The following ZC3H10 variants were observed in gnomAD, a reference collection of about 807,000 sequenced individuals.
ZC3H10 encodes the protein zinc finger CCCH-type containing 10, also known as zinc finger CCCH domain-containing protein 10.
Under a neutral mutation model 24.3 loss-of-function variants are expected in ZC3H10, and 12 were observed. That is an observed-to-expected ratio of 0.49 (90% CI 0.32 to 0.80). ZC3H10 has a LOEUF of 0.80. Among genes scored for constraint, ZC3H10 ranks in the 30% least tolerant of loss-of-function variants. The probability of loss-of-function intolerance (pLI) is 0.04; values close to 1 mark genes in which losing one functional copy is unlikely to be tolerated. For missense variants in ZC3H10, 360 were observed against 576.3 expected (o/e 0.62, Z 3.84); for synonymous variants, 226 against 217.0 (o/e 1.04, Z -0.36).
chr12:56,120,726 G>A lies in ZC3H10; in HGVS notation c.164G>A (p.Arg55His), dbSNP rs1869788324. The A allele has an allele frequency of 1.9e-6, 3 of 1,614,052 alleles. No individual in the cohort carries two copies. Among genetic ancestry groups the A allele is most frequent in the East Asian group, 2.2e-5 (1 of 44,896 alleles). Reference sequence around the variant, plus strand: ...AGGAATGTGTGCAAGCGAGGCAAGCGTTGCCGATATCGCCACCCAGACATG... The same window carrying A: ...AGGAATGTGTGCAAGCGAGGCAAGCATTGCCGATATCGCCACCCAGACATG... ...FLRNVCKRGKRCRYRHPDMSE... is the reference protein window; with the variant it reads ...FLRNVCKRGKHCRYRHPDMSE... The change falls in exon 3 of 3, where the codon CGT (arginine) becomes CAT (histidine). Residue 55 changes from arginine (R) to histidine (H), a missense_variant. Around this residue, in one of 3 missense-constraint regions of ZC3H10, gnomAD observed 126 missense variants for 208.8 expected, o/e 0.60. Coordinates refer to ENST00000257940, the MANE Select transcript of ZC3H10 (RefSeq NM_032786.3).
Position 56,124,613 on chromosome 12 carries a change from A to C in ZC3H10, c.*2746A>C, listed in dbSNP as rs952361076. ...TTGGTTAGCGCATTTATGTTAGAGA[A>C]ATCTCTGTTCTCTAGTGATAAGCCC... On this transcript the variant is annotated 3_prime_UTR_variant, in exon 3 of 3. Coordinates refer to ENST00000257940, the MANE Select transcript of ZC3H10 (RefSeq NM_032786.3). The C allele has an allele frequency of 1.3e-5, 2 of 152,352 alleles. No individual in the cohort carries two copies. The highest frequency in any genetic ancestry group is 3.9e-4 in the East Asian group (2 of 5,192). 9.4% of individuals were successfully genotyped at this position (152,352 alleles called of 1,614,324 possible).
rs1312557796 is a variant in ZC3H10, at chr12:56,120,595, C to A, written c.33C>A (p.Thr11=). The A allele has an allele frequency of 6.4e-7, 1 of 1,574,162 alleles. No homozygotes were observed. The highest frequency in any genetic ancestry group is 8.6e-7 in the Non-Finnish European group (1 of 1,160,072). The part of the protein sequence containing the change: MPDRDSYANG[T]GSSGGGPGGG... ...ACCGGGACAGCTATGCCAACGGTAC[C>A]GGGAGCAGCGGTGGAGGCCCTGGAG... is the stretch of plus-strand genomic sequence containing the variant. Residue 11 remains threonine (T), a synonymous_variant, in exon 3 of 3, where the codon ACC becomes ACA. Transcript: ENST00000257940.
intron 1 of ZC3H10, 95 bp from the exon 2 acceptor site, chr12:56,118,993 C>T (rs756369796): frequency 4.7e-4 from 71 of 152,666 alleles, no homozygotes; most frequent in Non-Finnish European, 1.8e-4. Flanking sequence ...GTTCTCGAAG[C>T]TTTGCCGTTT....
Position 56,124,323 on chromosome 12 carries a change from AGATT to A in ZC3H10, c.*2458_*2461del, listed in dbSNP as rs1197917321. The A allele has an allele frequency of 6.6e-6, 1 of 152,046 alleles. No individual in the cohort carries two copies. The highest frequency in any genetic ancestry group is 2.4e-5 in the African/African-American group (1 of 41,374). 9.4% of individuals were successfully genotyped at this position (152,046 alleles called of 1,614,324 possible). A position where few individuals can be genotyped will look rare whatever the true frequency, so the allele number is the denominator to read the frequency against. On this transcript the variant is annotated 3_prime_UTR_variant, in exon 3 of 3. Transcript: ENST00000257940. Reference sequence around the variant, plus strand: ...CCTTGTCTGATGCTGGTGTTTTGTGAGATTGTTTGTGTCCAAGAGAACTCATTGG... The same window carrying A: ...CCTTGTCTGATGCTGGTGTTTTGTGAGTTTGTGTCCAAGAGAACTCATTGG...
chr12:56,121,557 T>C lies in ZC3H10; in HGVS notation c.995T>C (p.Val332Ala), dbSNP rs1869840776. 6 of 1,613,950 alleles carry C rather than the reference T, an allele frequency of 3.7e-6. No homozygotes were observed. Among genetic ancestry groups the C allele is most frequent in the Non-Finnish European group, 5.1e-6 (6 of 1,179,976 alleles). ...CGTCCAGTGTCCCAGCAAGAACTGGTGGCCCCTGCTGGAGCTCCAGCTGCT... is the reference window on the plus strand; with the variant it reads ...CGTCCAGTGTCCCAGCAAGAACTGGCGGCCCCTGCTGGAGCTCCAGCTGCT... Reference protein sequence around the residue: ...QPRPVSQQELVAPAGAPAAPP... With the variant: ...QPRPVSQQELAAPAGAPAAPP... Residue 332 changes from valine (V) to alanine (A), a missense_variant, in exon 3 of 3, where the codon GTG becomes GCG. Physicochemically the swap from Val to Ala is moderately conservative, Grantham distance 64 (BLOSUM62 0). Coordinates refer to ENST00000257940, the MANE Select transcript of ZC3H10 (RefSeq NM_032786.3). This position sits in a 1 kb window ranked among gnomAD's most constrained non-coding sequence, Gnocchi z 6.2.
chr12:56,122,040 C>T lies in ZC3H10; in HGVS notation c.*173C>T, dbSNP rs1869862030. 1 of 787,608 alleles carries T rather than the reference C, an allele frequency of 1.3e-6. No homozygotes were observed. Among genetic ancestry groups the T allele is most frequent in the South Asian group, 2.1e-5 (1 of 47,586 alleles). The allele number at this position is 787,608 out of a possible 1,614,324, so 48.8% of individuals were successfully genotyped here. A position where few individuals can be genotyped will look rare whatever the true frequency, so the allele number is the denominator to read the frequency against. On this transcript the variant is annotated 3_prime_UTR_variant, in exon 3 of 3. Transcript: ENST00000257940. ...GTTGGGATGGTGTGTTTTCTCTCAC[C>T]TCCCTTTTATGAGGGTCCTCTTGTC...
In ZC3H10 at chr12:56,123,618, C is replaced by T. The variant is rs993057674; in HGVS notation, c.*1751C>T. On this transcript the variant is annotated 3_prime_UTR_variant, in exon 3 of 3. Coordinates refer to ENST00000257940, the MANE Select transcript of ZC3H10 (RefSeq NM_032786.3). ...TTTATTTTTAGTAGAGACGGGGTTT[C>T]ATCGTGTTGGCCAGAATGGTCTCTA... 2.0e-5 allele frequency: 3 copies of T among 151,958 alleles called. No homozygotes were observed. The highest frequency in any genetic ancestry group is 7.3e-5 in the African/African-American group (3 of 41,360). The allele number at this position is 151,958 out of a possible 1,614,324, so 9.4% of individuals were successfully genotyped here.
chr12:56,120,085 G>C lies in ZC3H10; in HGVS notation c.-52-426G>C, dbSNP rs114855735. On this transcript the variant is annotated intron_variant, in intron 2 of 2. Coordinates refer to ENST00000257940, the MANE Select transcript of ZC3H10 (RefSeq NM_032786.3). ...CCTTACCTGAGGAAAAGGAAAGGGG[G>C]TTAAGGAAGTTTTGTTACCAGTGTC... 1.1e-3 allele frequency: 415 copies of C among 393,648 alleles called. 3 individuals carry two copies. Among genetic ancestry groups the C allele is most frequent in the African/African-American group, 8.5e-3 (389 of 45,806 alleles). 24.4% of individuals were successfully genotyped at this position (393,648 alleles called of 1,614,324 possible).
chr12:56,121,615 A>ACCACCC lies in ZC3H10; in HGVS notation c.1064_1069dup (p.Pro355_Pro356dup). 1.9e-6 allele frequency: 3 copies of ACCACCC among 1,609,558 alleles called. No individual in the cohort carries two copies. The highest frequency in any genetic ancestry group is 2.5e-6 in the Non-Finnish European group (3 of 1,178,074). Reference sequence around the variant, plus strand: ...CTAATGCTGCACCTCCTGCTGCTCCACCACCCCCACCCCCACACTTGACCC... The same window carrying ACCACCC: ...CTAATGCTGCACCTCCTGCTGCTCCACCACCCCCACCCCCACCCCCACACTTGACCC... On this transcript the variant is annotated inframe_insertion, in exon 3 of 3. Coordinates refer to ENST00000257940, the MANE Select transcript of ZC3H10 (RefSeq NM_032786.3). This position sits in a 1 kb window ranked among gnomAD's most constrained non-coding sequence, Gnocchi z 6.2.
rs1349915526 is a variant in ZC3H10 at position 56,120,853 on chromosome 12, C to G, written c.291C>G (p.Gly97=). The change falls in exon 3 of 3, where the codon GGC becomes GGG. Residue 97 remains glycine (G), a synonymous_variant. Coordinates refer to ENST00000257940, the MANE Select transcript of ZC3H10 (RefSeq NM_032786.3). Reference sequence around the variant, plus strand: ...GCCCAAATTGCCGTTTCATCCATGGCTCCAAGGAGGATGAGGATGGCTATA... The same window carrying G: ...GCCCAAATTGCCGTTTCATCCATGGGTCCAAGGAGGATGAGGATGGCTATA... ...CSRPNCRFIH[G]SKEDEDGYKK... The G allele has an allele frequency of 6.2e-7, 1 of 1,614,198 alleles. No homozygotes were observed. Among genetic ancestry groups the G allele is most frequent in the African/African-American group, 1.3e-5 (1 of 75,034 alleles).
rs1473277593 is a variant in ZC3H10 at position 56,118,272 on chromosome 12, G to A, written c.-163G>A. On this transcript the variant is annotated 5_prime_UTR_variant, in exon 1 of 3. Coordinates refer to ENST00000257940, the MANE Select transcript of ZC3H10 (RefSeq NM_032786.3). The stretch of plus-strand genomic sequence containing the variant: ...ATCGGGTAGGCGGCTCTTTGTCGAA[G>A]CTAGAGGACCGGCAGGCGGCAGCAG... 1 of 153,648 alleles carries A rather than the reference G, an allele frequency of 6.5e-6. No individual in the cohort carries two copies. Among genetic ancestry groups the A allele is most frequent in the African/African-American group, 2.4e-5 (1 of 41,456 alleles). 9.5% of individuals were successfully genotyped at this position (153,648 alleles called of 1,614,324 possible). A position where few individuals can be genotyped will look rare whatever the true frequency, so the allele number is the denominator to read the frequency against.
In ZC3H10 at chr12:56,125,154, A is replaced by G. The variant is rs988286892; in HGVS notation, c.*3287A>G. On this transcript the variant is annotated 3_prime_UTR_variant, in exon 3 of 3. Transcript: ENST00000257940. The stretch of plus-strand genomic sequence containing the variant: ...GAAAGCTTCAAATAGAAGTCTTCAA[A>G]TATTTGAAGGGCTGCCCAGTGGAGG... The G allele has an allele frequency of 7.9e-5, 12 of 152,148 alleles. No individual in the cohort carries two copies. The highest frequency in any genetic ancestry group is 2.9e-4 in the African/African-American group (12 of 41,446). 9.4% of individuals were successfully genotyped at this position (152,148 alleles called of 1,614,324 possible).
rs1307838044 is a variant in ZC3H10, at chr12:56,123,890, A to G, written c.*2023A>G. ...TGTATGTCTTGTATGTATTTACTCC[A>G]GCTGAAGACCACCAAGAATACACCT... On this transcript the variant is annotated 3_prime_UTR_variant, in exon 3 of 3. Coordinates refer to ENST00000257940, the MANE Select transcript of ZC3H10 (RefSeq NM_032786.3). 6.6e-6 allele frequency: 1 copy of G among 152,098 alleles called. No homozygotes were observed. The highest frequency in any genetic ancestry group is 2.4e-5 in the African/African-American group (1 of 41,408). 9.4% of individuals were successfully genotyped at this position (152,098 alleles called of 1,614,324 possible). A position where few individuals can be genotyped will look rare whatever the true frequency, so the allele number is the denominator to read the frequency against.
chr12:56,120,907 G>C lies in ZC3H10; in HGVS notation c.345G>C (p.Leu115=). The C allele has an allele frequency of 6.2e-7, 1 of 1,614,226 alleles. No homozygotes were observed. The highest frequency in any genetic ancestry group is 8.5e-7 in the Non-Finnish European group (1 of 1,180,028). ...YKKTGELPPR[L]RQKVAAGLGL... is the part of the protein sequence containing the mutation. ...AGACAGGAGAGCTTCCCCCACGGCTGAGGCAGAAAGTAGCAGCTGGCCTTG... is the reference window on the plus strand; with the variant it reads ...AGACAGGAGAGCTTCCCCCACGGCTCAGGCAGAAAGTAGCAGCTGGCCTTG... The change falls in exon 3 of 3, where the codon CTG becomes CTC. Residue 115 remains leucine, a synonymous_variant. Coordinates refer to ENST00000257940, the MANE Select transcript of ZC3H10 (RefSeq NM_032786.3).
chr12:56,125,972 G>A lies in ZC3H10; in HGVS notation c.*4105G>A, dbSNP rs1161224543. 6.6e-6 allele frequency: 1 copy of A among 152,032 alleles called. No individual in the cohort carries two copies. The highest frequency in any genetic ancestry group is 6.6e-5 in the Admixed American group (1 of 15,252). 9.4% of individuals were successfully genotyped at this position (152,032 alleles called of 1,614,324 possible). On this transcript the variant is annotated 3_prime_UTR_variant, in exon 3 of 3. Coordinates refer to ENST00000257940, the MANE Select transcript of ZC3H10 (RefSeq NM_032786.3). ...TGCTCGGCTAATTTTTGTATTTTTA[G>A]TAGAGACGGGGTTTCGCCATGTTGG...
intron 2 of ZC3H10, 46 bp from the exon 3 acceptor site, chr12:56,120,465 A>T: frequency 7.0e-7 from 1 of 1,422,464 alleles, no homozygotes; most frequent in South Asian, 1.6e-5. Flanking sequence ...GAAGAGTGGG[A>T]TCTCCCTGGA....
In ZC3H10 at chr12:56,124,943, T is replaced by G. The variant is rs191685636; in HGVS notation, c.*3076T>G. On this transcript the variant is annotated 3_prime_UTR_variant, in exon 3 of 3. Coordinates refer to ENST00000257940, the MANE Select transcript of ZC3H10 (RefSeq NM_032786.3). ...CATTTATAAATATTTATTAAGAGCC[T>G]GCTATGTTCTAGGCATCTTTCTAGG... The G allele has an allele frequency of 5.9e-4, 90 of 152,346 alleles. No individual in the cohort carries two copies. Among genetic ancestry groups the G allele is most frequent in the African/African-American group, 2.0e-3 (84 of 41,566 alleles). The allele number at this position is 152,346 out of a possible 1,614,324, so 9.4% of individuals were successfully genotyped here.
Position 56,121,138 on chromosome 12 carries a change from C to T in ZC3H10, c.576C>T (p.Ile192=), listed in dbSNP as rs1331372849. 1 of 1,614,208 alleles carries T rather than the reference C, an allele frequency of 6.2e-7. No individual in the cohort carries two copies. Among genetic ancestry groups the T allele is most frequent in the South Asian group, 1.1e-5 (1 of 91,090 alleles). ...GACGACGTCATGATCTCTATGATAT[C>T]TATGACCTTCCTGACAGGGGCTTTG... is the stretch of plus-strand genomic sequence containing the variant. The part of the protein sequence containing the change: ...LPGRRHDLYD[I]YDLPDRGFED... The change falls in exon 3 of 3, where the codon ATC becomes ATT. Residue 192 remains isoleucine (I), a synonymous_variant. Coordinates refer to ENST00000257940, the MANE Select transcript of ZC3H10 (RefSeq NM_032786.3). This position sits in a 1 kb window ranked among gnomAD's most constrained non-coding sequence, Gnocchi z 6.2.
At position 56,122,624 on chromosome 12, in the gene ZC3H10, A is replaced by T. The variant is rs568877309; in HGVS notation, c.*757A>T. 1 of 154,112 alleles carries T rather than the reference A, an allele frequency of 6.5e-6. No homozygotes were observed. Among genetic ancestry groups the T allele is most frequent in the Non-Finnish European group, 1.5e-5 (1 of 68,062 alleles). 9.5% of individuals were successfully genotyped at this position (154,112 alleles called of 1,614,324 possible). On this transcript the variant is annotated 3_prime_UTR_variant, in exon 3 of 3. Transcript: ENST00000257940. The stretch of plus-strand genomic sequence containing the variant: ...TGGTAAGATGGATAGAAGCCAGTGA[A>T]GAAGGGTAGGGACCCAGAACAAGAC...
Sources: gnomAD v4.1 joint callset for allele counts on GRCh38, gnomAD v4.1.1 for gene constraint, gnomAD v4.1.1 regional missense constraint, Gnocchi (gnomAD v3.1) non-coding constraint, MANE v1.5 for transcripts, NCBI Gene and HGNC (gene_info 2026-07-23, HGNC 2026-07-21) for gene names.